UBE4A: variants seen among roughly 807,000 people sequenced by gnomAD.
UBE4A encodes ubiquitination factor E4A.
UBE4A carries 48 observed loss-of-function variants against 117.9 expected under a neutral mutation model. The ratio of observed to expected loss-of-function variants is 0.41; its 90% CI spans 0.32 to 0.52. The LOEUF is 0.52. UBE4A is among the 20% of genes least tolerant of loss of function. The probability of loss-of-function intolerance (pLI) is 0.33; values close to 1 mark genes in which losing one functional copy is unlikely to be tolerated. For synonymous variants in UBE4A, 407 were observed against 450.0 expected (o/e 0.90, Z 1.21); for missense variants, 1,067 against 1,296.3 (o/e 0.82, Z 2.72).
intron 2 of UBE4A, among the ~76,000 whole-genome samples, chr11:118,367,068 G>T (rs1305336822): frequency 1.3e-5 from 2 of 152,104 alleles, no homozygotes; most frequent in African/African-American, 4.8e-5. Context: ...GCCGGGCGTG[G>T]TGGTGGGCGC....
intron 11 of UBE4A, among the ~76,000 whole-genome samples, chr11:118,380,917 G>T (rs1948700047): frequency 6.6e-6 from 1 of 152,186 alleles, no homozygotes; most frequent in Non-Finnish European, 1.5e-5. Context: ...TCTTGGAAAT[G>T]ACATACTATC....
chr11:118,373,846 C>A, intron 8 of UBE4A, 161 bp downstream of exon 8: 1 of 557,980 alleles, frequency 1.8e-6, no homozygotes, highest in Non-Finnish European at 2.3e-6. Flanking sequence ...GTAGCTCAAG[C>A]CTGTAATCCC....
rs1555129735 is a variant in UBE4A, at chr11:118,396,425, G to C, written c.3186G>C (p.Lys1062Asn). The change falls in exon 20 of 20, where the codon AAG becomes AAC. Residue 1062 changes from lysine (K) to asparagine (N), a missense_variant. By Grantham distance (94) the Lys-to-Asn change is moderately conservative (BLOSUM62 0). This residue lies in a region of UBE4A where 32 missense variants were observed against 34.5 expected (regional missense o/e 0.93). Coordinates refer to ENST00000252108, the MANE Select transcript of UBE4A (RefSeq NM_001204077.2). ...QRWLAERKQQ[K>N]EQLE is the part of the protein sequence containing the mutation. ...GGCTTGCAGAGAGGAAACAACAAAA[G>C]GAGCAACTTGAATAGATACTGTGAA... is the stretch of plus-strand genomic sequence containing the variant. The C allele has an allele frequency of 1.2e-6, 2 of 1,613,702 alleles. No individual in the cohort carries two copies. Among genetic ancestry groups the C allele is most frequent in the East Asian group, 4.5e-5 (2 of 44,848 alleles).
intron 15 of UBE4A, among the ~76,000 whole-genome samples, chr11:118,385,786 C>A (rs544224259): frequency 6.6e-6 from 1 of 152,292 alleles, no homozygotes; most frequent in South Asian, 2.1e-4. Flanking sequence ...AAGGTTTGAT[C>A]TGATTTCTTC....
chr11:118,369,264 A>G (rs1441959991), intron 3 of UBE4A, among the ~76,000 whole-genome samples, 159 bp from the exon 4 acceptor site: 1 of 152,232 alleles, frequency 6.6e-6, no homozygotes, highest in Non-Finnish European at 1.5e-5. Context: ...AGAGGGGGAA[A>G]AAAAAAGATT....
intron 2 of UBE4A, 133 bp from the exon 3 acceptor site, chr11:118,368,498 G>T: frequency 9.7e-7 from 1 of 1,032,588 alleles, no homozygotes; most frequent in Admixed American, 2.3e-5. Context: ...GACTTGAGAT[G>T]TTCACTAATT....
intron 2 of UBE4A, among the ~76,000 whole-genome samples, chr11:118,368,082 T>G (rs1335623415): frequency 6.6e-6 from 1 of 152,102 alleles, no homozygotes; most frequent in Non-Finnish European, 1.5e-5. Context: ...TGGTGCTGAT[T>G]AAAAGGCAAG....
intron 5 of UBE4A, 60 bp from the exon 6 acceptor site, chr11:118,372,447 C>G: frequency 6.6e-7 from 1 of 1,523,396 alleles, no homozygotes; most frequent in Non-Finnish European, 8.8e-7. Context: ...TTCACTATGT[C>G]TACTTTCGTT....
chr11:118,366,479 G>C (rs889465250), intron 2 of UBE4A, among the ~76,000 whole-genome samples: 5 of 152,190 alleles, frequency 3.3e-5, no homozygotes, highest in Non-Finnish European at 7.3e-5. Flanking sequence ...AATCTGGCTA[G>C]AGTTGGGAGC....
At chr11:118,387,692 C>T (rs1948772184) in intron 16 of UBE4A, among the ~76,000 whole-genome samples, 1 of 152,100 alleles carries the variant, frequency 6.6e-6, no homozygotes, top group African/African-American at 2.4e-5. Context: ...AAAAACAAGA[C>T]CCTAAAATAG....
intron 2 of UBE4A, 141 bp from the exon 3 acceptor site, chr11:118,368,490 C>T (rs1236429868): frequency 3.1e-6 from 3 of 980,688 alleles, no homozygotes; most frequent in Admixed American, 2.3e-5. Flanking sequence ...ACTTCCCTGA[C>T]TTGAGATGTT....
At chr11:118,395,738 T>G (rs1948865022) in intron 19 of UBE4A, among the ~76,000 whole-genome samples, 1 of 152,224 alleles carries the variant, frequency 6.6e-6, no homozygotes, top group Non-Finnish European at 1.5e-5. Context: ...TAAGCCACTG[T>G]AATTAAATAT....
At position 118,390,794 on chromosome 11, in the gene UBE4A, A is replaced by G. The variant is rs1555128274; in HGVS notation, c.2906A>G (p.Glu969Gly). ...ATTATGGCTTTCAGCAACTTGGCAG[A>G]GAGAATCAAGGTGAGGAAGAGGAGG... Reference protein sequence around the residue: ...NMIMAFSNLAERIKSLADLQQ... With the variant: ...NMIMAFSNLAGRIKSLADLQQ... Residue 969 changes from glutamate to glycine, a missense_variant, in exon 18 of 20, where the codon GAG becomes GGG. Coordinates refer to ENST00000252108, the MANE Select transcript of UBE4A (RefSeq NM_001204077.2). The G allele has an allele frequency of 6.2e-7, 1 of 1,610,320 alleles. No individual in the cohort carries two copies. The highest frequency in any genetic ancestry group is 1.1e-5 in the South Asian group (1 of 90,964).
chr11:118,381,423 A>G lies in UBE4A; in HGVS notation c.1909A>G (p.Ile637Val). ...TGCAGATAACCTGGGTGATTTTCTC[A>G]TTTTTCTCCGCCGCTTTGCCGATGA... ...FFADNLGDFL[I>V]FLRRFADDIL... is the part of the protein sequence containing the mutation. Residue 637 changes from isoleucine to valine, a missense_variant, in exon 12 of 20, where the codon ATT becomes GTT. Transcript: ENST00000252108. 6.2e-7 allele frequency: 1 copy of G among 1,613,822 alleles called. No homozygotes were observed. Among genetic ancestry groups the G allele is most frequent in the Non-Finnish European group, 8.5e-7 (1 of 1,179,892 alleles).
intron 11 of UBE4A, 79 bp from the exon 12 acceptor site, chr11:118,381,312 G>A: frequency 1.3e-6 from 2 of 1,536,906 alleles, no homozygotes; most frequent in South Asian, 2.5e-5. Flanking sequence ...ATTAAGTAGG[G>A]TGAAAGGAAT....
At chr11:118,372,819 A>C in intron 6 of UBE4A, 153 bp downstream of exon 6, 1 of 1,179,520 alleles carries the variant, frequency 8.5e-7, no homozygotes, top group Non-Finnish European at 1.2e-6. Context: ...GAGTACCAAT[A>C]GAATAAAGCT....
chr11:118,371,266 CT>C (rs1333130537), intron 4 of UBE4A, among the ~76,000 whole-genome samples: 2 of 152,126 alleles, frequency 1.3e-5, no homozygotes, highest in Non-Finnish European at 2.9e-5. Context: ...AACAAATAGT[CT>C]TTTAATGCCT....
At position 118,389,728 on chromosome 11, in the gene UBE4A, T is replaced by C; in HGVS notation, c.2591T>C (p.Ile864Thr). ...GAGACTTTGGATTCTTTTCCAGAGA[T>C]CAAGTCACTCTTTGTGCATCCCTTC... ...IGTLAFLTSE[I>T]KSLFVHPFLA... The change falls in exon 17 of 20, where the codon ATC (isoleucine) becomes ACC (threonine). Residue 864 changes from isoleucine (I) to threonine (T), a missense_variant. Ile to Thr is a moderately conservative substitution (Grantham distance 89). Coordinates refer to ENST00000252108, the MANE Select transcript of UBE4A (RefSeq NM_001204077.2). 6.3e-7 allele frequency: 1 copy of C among 1,596,906 alleles called. No individual in the cohort carries two copies. Among genetic ancestry groups the C allele is most frequent in the Non-Finnish European group, 8.6e-7 (1 of 1,166,756 alleles).
Position 118,384,751 on chromosome 11 carries a change from A to T in UBE4A, c.2298+16A>T. Reference sequence around the variant, plus strand: ...GAGCATTAAGGTGAGAGAGTTTTTGATGAAACCTGTTGCTTTATATAAGCC... The same window carrying T: ...GAGCATTAAGGTGAGAGAGTTTTTGTTGAAACCTGTTGCTTTATATAAGCC... On this transcript the variant is annotated intron_variant, in intron 14 of 19. Coordinates refer to ENST00000252108, the MANE Select transcript of UBE4A (RefSeq NM_001204077.2). 6.2e-7 allele frequency: 1 copy of T among 1,612,902 alleles called. No homozygotes were observed. The highest frequency in any genetic ancestry group is 8.5e-7 in the Non-Finnish European group (1 of 1,178,990).
Sources: gnomAD v4.1 joint callset for allele counts (sites outside exome capture counted in the v4.1 genomes callset) on GRCh38, gnomAD v4.1.1 for gene constraint, gnomAD v4.1.1 regional missense constraint, MANE v1.5 for transcripts, NCBI Gene and HGNC (gene_info 2026-07-23, HGNC 2026-07-21) for gene names.